Variants in ZNF385D observed in about 807,000 individuals in gnomAD.
ZNF385D encodes zinc finger protein 385D.
A neutral mutation model predicts 35.8 loss-of-function variants in ZNF385D; 15 were observed. The observed-to-expected ratio is 0.42, with a 90% confidence interval of 0.28 to 0.64. ZNF385D has a LOEUF of 0.64. Among genes scored for constraint, ZNF385D ranks in the 30% least tolerant of loss-of-function variants. The pLI, the probability that ZNF385D is intolerant of heterozygous loss-of-function variation, is 0.23. For missense variants in ZNF385D, 474 were observed against 494.6 expected (o/e 0.96, Z 0.39); for synonymous variants, 212 against 186.8 (o/e 1.13, Z -1.10).
At chr3:21,662,165 T>C (rs1201298031) in intron 2 of ZNF385D, among the ~76,000 whole-genome samples, 1 of 152,096 alleles carries the variant, frequency 6.6e-6, no homozygotes. Context: ...GGGATAGCTG[T>C]ATTGTGGATC....
At chr3:21,759,553 G>A (rs1312547654) in intron 3 of ZNF385D, among the ~76,000 whole-genome samples, 2 of 152,162 alleles carry the variant, frequency 1.3e-5, no homozygotes, top group Non-Finnish European at 1.5e-5. Flanking sequence ...ATAATAATAT[G>A]CCTCCAAAGA....
At chr3:22,166,572 C>T (rs921943787) in intron 3 of ZNF385D, among the ~76,000 whole-genome samples, 2 of 152,146 alleles carry the variant, frequency 1.3e-5, no homozygotes, top group Non-Finnish European at 2.9e-5. Flanking sequence ...ATAACAAGAT[C>T]ACTTTGGTTG....
intron 4 of ZNF385D, among the ~76,000 whole-genome samples, chr3:21,506,933 T>C (rs1328816767): frequency 2.8e-5 from 4 of 144,484 alleles, no homozygotes; most frequent in African/African-American, 1.0e-4. Context: ...TACAATTTTC[T>C]GCTCAGCACT....
chr3:21,925,332 C>T (rs1340929356), intron 3 of ZNF385D, among the ~76,000 whole-genome samples: 1 of 152,086 alleles, frequency 6.6e-6, no homozygotes, highest in African/African-American at 2.4e-5. Context: ...CACAGACAGA[C>T]CCACACAAAC....
intron 2 of ZNF385D, among the ~76,000 whole-genome samples, chr3:22,347,299 G>C (rs1392423878): frequency 2.0e-5 from 3 of 152,038 alleles, no homozygotes; most frequent in Non-Finnish European, 4.4e-5. Flanking sequence ...ATATTTTGTT[G>C]GTAGCATTAG....
intron 3 of ZNF385D, among the ~76,000 whole-genome samples, chr3:22,062,808 TACAC>T (rs1168659771): frequency 1.3e-5 from 2 of 152,194 alleles, no homozygotes. Flanking sequence ...AGTGAGGACA[TACAC>T]ACAGCCATAT....
intron 1 of ZNF385D, among the ~76,000 whole-genome samples, chr3:21,750,428 G>A (rs1396913721): frequency 1.3e-5 from 2 of 152,152 alleles, no homozygotes; most frequent in Non-Finnish European, 2.9e-5. Context: ...CAACCACACT[G>A]CTCACTAGAC....
intron 2 of ZNF385D, among the ~76,000 whole-genome samples, chr3:22,285,801 T>C (rs992897963): frequency 2.0e-5 from 3 of 152,170 alleles, no homozygotes. Context: ...TCACCGTCTA[T>C]GGGAATTTGT....
At position 22,170,257 on chromosome 3, in the gene ZNF385D, G is replaced by A. The variant is rs555262215; in HGVS notation, c.107-1222C>T. Among the ~76,000 whole-genome samples the A allele has an allele frequency of 2.8e-3, 425 of 152,286 alleles. 1 individual carries two copies. Among genetic ancestry groups the A allele is most frequent in the African/African-American group, 0.01 (416 of 41,558 alleles). ...CTAGGTTCTGGAGTTAAACTGACAA[G>A]CATCACAAAAGTGGTCCTTGCAATT... On this transcript the variant is annotated intron_variant, in intron 2 of 5. Coordinates refer to the ZNF385D transcript ENST00000494108.
chr3:22,142,814 T>C (rs1704596518), intron 3 of ZNF385D, among the ~76,000 whole-genome samples: 1 of 152,016 alleles, frequency 6.6e-6, no homozygotes, highest in African/African-American at 2.4e-5. Context: ...ACACAGCTTC[T>C]CTCAAAACAG....
chr3:22,295,648 G>T (rs541871076), intron 2 of ZNF385D, among the ~76,000 whole-genome samples: 1 of 152,190 alleles, frequency 6.6e-6, no homozygotes, highest in South Asian at 2.1e-4. Context: ...CTGAACCTTT[G>T]GTTGGTAGAA....
chr3:22,277,692 TA>T (rs1448879366), intron 2 of ZNF385D, among the ~76,000 whole-genome samples: 1 of 152,114 alleles, frequency 6.6e-6, no homozygotes, highest in East Asian at 1.9e-4. Flanking sequence ...TTTTTACAAT[TA>T]TTAGAAGATA....
chr3:22,320,598 A>G (rs1694365169), intron 2 of ZNF385D, among the ~76,000 whole-genome samples: 1 of 150,316 alleles, frequency 6.7e-6, no homozygotes, highest in African/African-American at 2.5e-5. Context: ...AACAGGAACT[A>G]AAGTTTTACT....
At chr3:22,265,850 A>C (rs1033170580) in intron 2 of ZNF385D, among the ~76,000 whole-genome samples, 16 of 151,984 alleles carry the variant, frequency 1.1e-4, no homozygotes, top group Admixed American at 1.1e-3. Flanking sequence ...CACGTGGGAA[A>C]ATAAGGTCAC....
chr3:22,123,148 T>C (rs542636803), intron 3 of ZNF385D, among the ~76,000 whole-genome samples: 1 of 151,214 alleles, frequency 6.6e-6, no homozygotes, highest in Non-Finnish European at 1.5e-5. Flanking sequence ...TAGCATAAGA[T>C]GAGATGCAAT....
chr3:22,137,730 AC>A (rs1270099560), intron 3 of ZNF385D, among the ~76,000 whole-genome samples: 10 of 152,110 alleles, frequency 6.6e-5, no homozygotes, highest in African/African-American at 2.4e-4. Flanking sequence ...ATGGACAAAA[AC>A]TGGAAGCATT....
chr3:22,019,747 C>A (rs1326049530), intron 3 of ZNF385D, among the ~76,000 whole-genome samples: 1 of 151,820 alleles, frequency 6.6e-6, no homozygotes, highest in African/African-American at 2.4e-5. Flanking sequence ...TATGCAGGAA[C>A]AGCTACATTA....
rs565242522 is a variant in ZNF385D at position 21,446,102 on chromosome 3, A to T, written c.440-8899T>A. On this transcript the variant is annotated intron_variant, in intron 4 of 7. Coordinates refer to ENST00000281523, the MANE Select transcript of ZNF385D (RefSeq NM_024697.3). Reference sequence around the variant, plus strand: ...GCCCCAGCATCAGAGTTTCTGATTCAGTATGTATAGGGTGAGGTCTGAATA... The same window carrying T: ...GCCCCAGCATCAGAGTTTCTGATTCTGTATGTATAGGGTGAGGTCTGAATA... Among the ~76,000 whole-genome samples the T allele has an allele frequency of 2.6e-5, 4 of 152,318 alleles. No homozygotes were observed. The South Asian group carries it at 8.3e-4, about 32-fold the overall frequency.
chr3:21,434,733 G>A (rs1701467118), intron 5 of ZNF385D, among the ~76,000 whole-genome samples: 2 of 152,106 alleles, frequency 1.3e-5, no homozygotes, highest in Admixed American at 1.3e-4. Context: ...CAAGTCTAAG[G>A]AGAGCTCTAA....
Sources: gnomAD v4.1 joint callset for allele counts (sites outside exome capture counted in the v4.1 genomes callset) on GRCh38, gnomAD v4.1.1 for gene constraint, MANE v1.5 for transcripts, NCBI Gene and HGNC (gene_info 2026-07-23, HGNC 2026-07-21) for gene names.